AP3B1: variants seen among roughly 807,000 people sequenced by gnomAD.
AP3B1 encodes adaptor related protein complex 3 subunit beta 1, also known as AP-3 complex subunit beta-1.
Under a neutral mutation model 132.5 loss-of-function variants are expected in AP3B1, and 61 were observed. The observed-to-expected ratio is 0.46, with a 90% CI of 0.37 to 0.57. AP3B1 has a LOEUF of 0.57. AP3B1 is among the 20% of genes least tolerant of loss of function. The pLI is 0.00. For synonymous variants in AP3B1, 388 were observed against 438.3 expected, an observed-to-expected ratio of 0.89 and a Z score of 1.43; for missense variants, 1,120 against 1,289.4, an observed-to-expected ratio of 0.87 and a Z score of 2.01.
At chr5:78,033,696 G>A (rs1000470870) in intron 24 of AP3B1, among the ~76,000 whole-genome samples, 11 of 151,870 alleles carry the variant, frequency 7.2e-5, no homozygotes, top group Non-Finnish European at 1.3e-4. Context: ...CATGAATACG[G>A]CTTTGTTCTA....
intron 20 of AP3B1, among the ~76,000 whole-genome samples, chr5:78,108,132 A>T (rs1239711935): frequency 6.6e-6 from 1 of 152,208 alleles, no homozygotes; most frequent in Non-Finnish European, 1.5e-5. Flanking sequence ...AGTGCCCTCA[A>T]AACACATTGT....
intron 14 of AP3B1, among the ~76,000 whole-genome samples, chr5:78,155,970 T>A (rs1743131533): frequency 6.6e-6 from 1 of 152,226 alleles, no homozygotes; most frequent in Non-Finnish European, 1.5e-5. Context: ...ATTCATTTCA[T>A]GTATGACACA....
intron 6 of AP3B1, among the ~76,000 whole-genome samples, chr5:78,223,104 T>C (rs112241416): frequency 2.1e-5 from 3 of 145,944 alleles, no homozygotes; most frequent in African/African-American, 7.5e-5. Flanking sequence ...AAGCAATCCA[T>C]CCACCTTGGC....
chr5:78,236,945 C>T (rs1746903408), intron 3 of AP3B1, among the ~76,000 whole-genome samples: 1 of 152,050 alleles, frequency 6.6e-6, no homozygotes, highest in African/African-American at 2.4e-5. Flanking sequence ...ATATAACAAG[C>T]ACATAGTGTT....
At chr5:78,205,280 G>C (rs1028772160) in intron 7 of AP3B1, among the ~76,000 whole-genome samples, 6 of 152,028 alleles carry the variant, frequency 3.9e-5, no homozygotes, top group Admixed American at 3.9e-4. Context: ...TCACTAAAGA[G>C]ATTTTATATT....
intron 7 of AP3B1, among the ~76,000 whole-genome samples, chr5:78,183,647 A>T (rs1744466391): frequency 6.6e-6 from 1 of 152,158 alleles, no homozygotes; most frequent in South Asian, 2.1e-4. Flanking sequence ...AGGTGGGCAG[A>T]TCACCTGAGG....
chr5:78,181,688 G>T, intron 7 of AP3B1, 26 bp from the exon 8 acceptor site: 1 of 1,606,750 alleles, frequency 6.2e-7, no homozygotes, highest in South Asian at 1.1e-5. Flanking sequence ...TCCAACCCAA[G>T]ATTACTTTAG....
intron 26 of AP3B1, among the ~76,000 whole-genome samples, chr5:78,013,486 A>G (rs1486726067): frequency 6.6e-6 from 1 of 152,260 alleles, no homozygotes; most frequent in African/African-American, 2.4e-5. Flanking sequence ...TGGCTACTCT[A>G]TATTAAAACA....
At chr5:78,272,062 G>A (rs1019417919) in intron 1 of AP3B1, among the ~76,000 whole-genome samples, 4 of 152,186 alleles carry the variant, frequency 2.6e-5, no homozygotes, top group Non-Finnish European at 4.4e-5. Context: ...AGCCACCTAA[G>A]AGACTTCATA....
At chr5:78,048,327 G>C (rs928974957) in intron 22 of AP3B1, among the ~76,000 whole-genome samples, 1 of 152,184 alleles carries the variant, frequency 6.6e-6, no homozygotes, top group African/African-American at 2.4e-5. Flanking sequence ...TTTTGAGGAA[G>C]CTTTGCCCCC....
intron 7 of AP3B1, among the ~76,000 whole-genome samples, chr5:78,203,465 T>C (rs1745380301): frequency 6.6e-6 from 1 of 152,148 alleles, no homozygotes; most frequent in Non-Finnish European, 1.5e-5. Context: ...CATGATTCAA[T>C]TATCTCCACC....
In AP3B1 at chr5:78,061,980, T is replaced by C. The variant is rs191780723; in HGVS notation, c.2578-22706A>G. The stretch of plus-strand genomic sequence containing the variant: ...GCTAGCTACTGCACCTGTATCCTTT[T>C]TGTCAAATGACCTGAAAATCCTGCT... On this transcript the variant is annotated intron_variant, in intron 22 of 26. Transcript: ENST00000255194. Among the ~76,000 whole-genome samples the C allele has an allele frequency of 2.1e-3, 324 of 152,362 alleles. 1 individual carries two copies. Among genetic ancestry groups the C allele is most frequent in the African/African-American group, 7.6e-3 (315 of 41,592 alleles).
chr5:78,198,972 A>AT (rs958197731), intron 7 of AP3B1, among the ~76,000 whole-genome samples: 3 of 152,072 alleles, frequency 2.0e-5, no homozygotes, highest in Non-Finnish European at 2.9e-5. Context: ...CTGGTTTGAG[A>AT]TTTTTTTTCC....
At chr5:78,140,369 C>T (rs371354877) in intron 15 of AP3B1, among the ~76,000 whole-genome samples, 5 of 152,166 alleles carry the variant, frequency 3.3e-5, no homozygotes, top group South Asian at 2.1e-4. Flanking sequence ...TTAGAAAATA[C>T]CATAAACTGG....
intron 17 of AP3B1, among the ~76,000 whole-genome samples, chr5:78,122,544 C>G (rs1054684601): frequency 1.1e-4 from 17 of 152,300 alleles, no homozygotes; most frequent in African/African-American, 3.6e-4. Context: ...CATTCTTATA[C>G]ACCAATAACG....
At chr5:78,169,733 G>GTTATTTATTTATTTATTTA (rs138208601) in intron 11 of AP3B1, among the ~76,000 whole-genome samples, 2 of 151,160 alleles carry the variant, frequency 1.3e-5, no homozygotes, top group African/African-American at 4.9e-5. Context: ...AAGCCCTGAA[G>GTTATTTATTTATTTATTTA]TTTATTTATT....
At chr5:78,143,559 G>A (rs1331362287) in intron 14 of AP3B1, among the ~76,000 whole-genome samples, 3 of 152,274 alleles carry the variant, frequency 2.0e-5, no homozygotes, top group East Asian at 1.9e-4. Context: ...TTTTGAGCAG[G>A]TGGATGGGAT....
intron 22 of AP3B1, among the ~76,000 whole-genome samples, chr5:78,046,876 C>G (rs1013036160): frequency 6.6e-6 from 1 of 152,130 alleles, no homozygotes; most frequent in Non-Finnish European, 1.5e-5. Flanking sequence ...CCAACAGGCC[C>G]TGGTGTGTGA....
intron 1 of AP3B1, among the ~76,000 whole-genome samples, chr5:78,291,533 C>T (rs187687803): frequency 6.6e-4 from 99 of 150,736 alleles, no homozygotes; most frequent in Middle Eastern, 3.4e-3. Flanking sequence ...TGTAATAGTT[C>T]AAGAAGCATG....
Sources: allele counts gnomAD v4.1 joint callset (sites outside exome capture counted in the v4.1 genomes callset), GRCh38; gene constraint gnomAD v4.1.1; transcripts MANE v1.5; gene names NCBI Gene and HGNC (gene_info 2026-07-23, HGNC 2026-07-21).